VAV2: variants seen among roughly 807,000 people sequenced by gnomAD.
VAV2 encodes guanine nucleotide exchange factor VAV2.
VAV2 carries 67 observed loss-of-function variants against 132.5 expected under a neutral mutation model. The observed-to-expected ratio is 0.51, with a 90% CI of 0.42 to 0.62. The LOEUF is 0.62. Ranked by LOEUF, VAV2 falls within the 20% of genes least tolerant of loss-of-function variation. VAV2 has a pLI of 0.00. For synonymous variants in VAV2, 492 were observed against 443.5 expected (o/e 1.11, Z -1.37); for missense variants, 938 against 1,153.6 (o/e 0.81, Z 2.71).
At chr9:133,894,541 G>A (rs977914647) in intron 2 of VAV2, among the ~76,000 whole-genome samples, 2 of 152,212 alleles carry the variant, frequency 1.3e-5, no homozygotes, top group Non-Finnish European at 2.9e-5. Context: ...CAAGGCGGCT[G>A]TTGGGAAATT....
chr9:133,792,682 C>CCCCCCCCA (rs1554774404), intron 12 of VAV2, among the ~76,000 whole-genome samples: 5 of 76,072 alleles, frequency 6.6e-5, no homozygotes, highest in Non-Finnish European at 1.1e-4. Flanking sequence ...CAAGGGACCC[C>CCCCCCCCA]CCCCCCCACC....
At chr9:133,841,673 G>A (rs1371215986) in intron 3 of VAV2, among the ~76,000 whole-genome samples, 1 of 152,190 alleles carries the variant, frequency 6.6e-6, no homozygotes, top group Non-Finnish European at 1.5e-5. Context: ...CACTGGAGGG[G>A]AGACCTTGTG....
chr9:133,780,184 C>G (rs762115216), intron 20 of VAV2: 1 of 549,384 alleles, frequency 1.8e-6, no homozygotes, highest in African/African-American at 2.0e-5. Flanking sequence ...TTACCACGGG[C>G]CCCCACCTCC....
chr9:133,978,341 C>T lies in VAV2; in HGVS notation c.204+13734G>A, dbSNP rs538103446. Among the ~76,000 whole-genome samples the T allele has an allele frequency of 2.2e-4, 33 of 152,274 alleles. No individual in the cohort carries two copies. In the South Asian group the frequency reaches 6.6e-3, roughly 31 times the overall value. Reference sequence around the variant, plus strand: ...CAGCCAACACAGCATTTTTTAAAGTCCTTAACAACAGAAGACAGGCAGGCA... The same window carrying T: ...CAGCCAACACAGCATTTTTTAAAGTTCTTAACAACAGAAGACAGGCAGGCA... On this transcript the variant is annotated intron_variant, in intron 1 of 29. Transcript: ENST00000371850.
Position 133,863,597 on chromosome 9 carries a change from C to T in VAV2, c.322-2165G>A, listed in dbSNP as rs983801587. On this transcript the variant is annotated intron_variant, in intron 2 of 29. Coordinates refer to ENST00000371850, the MANE Select transcript of VAV2 (RefSeq NM_001134398.2). This position sits in a 1 kb window ranked among gnomAD's most constrained non-coding sequence, Gnocchi z 5.0. Reference sequence around the variant, plus strand: ...GCCCCAAGCTTGGGGCGCTTTGCCCCAGGATGAACGTGTCACGAGCAGCTG... The same window carrying T: ...GCCCCAAGCTTGGGGCGCTTTGCCCTAGGATGAACGTGTCACGAGCAGCTG... Among the ~76,000 whole-genome samples the T allele has an allele frequency of 1.3e-5, 2 of 152,144 alleles. No individual in the cohort carries two copies. Among genetic ancestry groups the T allele is most frequent in the East Asian group, 3.9e-4 (2 of 5,178 alleles).
At position 133,928,583 on chromosome 9, in the gene VAV2, C is replaced by A. The variant is rs1840564738; in HGVS notation, c.321+10520G>T. Reference sequence around the variant, plus strand: ...CTGGCAGAAAGGCCTCGGGTGAGCACAGAGTCTTCTGCACTCAGCAAATTA... The same window carrying A: ...CTGGCAGAAAGGCCTCGGGTGAGCAAAGAGTCTTCTGCACTCAGCAAATTA... On this transcript the variant is annotated intron_variant, in intron 2 of 29. Coordinates refer to ENST00000371850, the MANE Select transcript of VAV2 (RefSeq NM_001134398.2). This position sits in a 1 kb window ranked among gnomAD's most constrained non-coding sequence, Gnocchi z 5.4. 1.3e-5 allele frequency among the ~76,000 whole-genome samples: 2 copies of A among 152,300 alleles called. No individual in the cohort carries two copies. Among genetic ancestry groups the A allele is most frequent in the African/African-American group, 4.8e-5 (2 of 41,556 alleles).
At position 133,863,291 on chromosome 9, in the gene VAV2, C is replaced by A. The variant is rs956564640; in HGVS notation, c.322-1859G>T. On this transcript the variant is annotated intron_variant, in intron 2 of 29. Coordinates refer to ENST00000371850, the MANE Select transcript of VAV2 (RefSeq NM_001134398.2). This position sits in a 1 kb window ranked among gnomAD's most constrained non-coding sequence, Gnocchi z 5.0. The stretch of plus-strand genomic sequence containing the variant: ...GGCAGACGTGGCTGATCAATCCCTC[C>A]GAGGAGCCGGGCGCAGGCCCAGAGC... 2.0e-5 allele frequency among the ~76,000 whole-genome samples: 3 copies of A among 152,230 alleles called. No individual in the cohort carries two copies. The highest frequency in any genetic ancestry group is 7.2e-5 in the African/African-American group (3 of 41,450).
At chr9:133,765,755 T>A (rs1191465396) in intron 29 of VAV2, among the ~76,000 whole-genome samples, 1 of 152,160 alleles carries the variant, frequency 6.6e-6, no homozygotes, top group Non-Finnish European at 1.5e-5. Context: ...TCTTAGGAAA[T>A]ACTTAGGGGT....
At chr9:133,957,033 T>C (rs1424176271) in intron 1 of VAV2, among the ~76,000 whole-genome samples, 1 of 152,164 alleles carries the variant, frequency 6.6e-6, no homozygotes, top group Non-Finnish European at 1.5e-5. Flanking sequence ...GCTCCCCACC[T>C]GCCCGGGGTA....
chr9:133,784,474 C>A, intron 17 of VAV2, 56 bp from the exon 18 acceptor site: 2 of 1,591,712 alleles, frequency 1.3e-6, no homozygotes, highest in South Asian at 1.1e-5. Context: ...CGAGCCCCAC[C>A]ATGTGGCCAT....
In VAV2 at chr9:133,918,783, T is replaced by C. The variant is rs2132070041; in HGVS notation, c.321+20320A>G. ...TGTGTGTGTGTGTTTGTTTGTTTGT[T>C]TGTTTGTTTTGAGACAGAGTCTTGT... On this transcript the variant is annotated intron_variant, in intron 2 of 29. Coordinates refer to ENST00000371850, the MANE Select transcript of VAV2 (RefSeq NM_001134398.2). This position sits in a 1 kb window ranked among gnomAD's most constrained non-coding sequence, Gnocchi z 4.7. 1.3e-5 allele frequency among the ~76,000 whole-genome samples: 2 copies of C among 151,960 alleles called. 1 individual carries two copies.
In VAV2 at chr9:133,806,118, T is replaced by C. The variant is rs1165943219; in HGVS notation, c.799A>G (p.Ser267Gly). The C allele has an allele frequency of 6.2e-7, 1 of 1,613,100 alleles. No homozygotes were observed. Among genetic ancestry groups the C allele is most frequent in the South Asian group, 1.1e-5 (1 of 91,060 alleles). The change falls in exon 9 of 30, where the codon AGC (serine) becomes GGC (glycine). Residue 267 changes from serine (S) to glycine (G), a missense_variant. Coordinates refer to ENST00000371850, the MANE Select transcript of VAV2 (RefSeq NM_001134398.2). ...AIDVSVMVGGSTLAKVFLDFK... is the reference protein window; with the variant it reads ...AIDVSVMVGGGTLAKVFLDFK... ...TCGAGGAAGACCTTGGCCAGCGTGC[T>C]GCCCCCCACCATCACGGACACGTCG... is the stretch of plus-strand genomic sequence containing the variant.
chr9:133,763,926 C>G lies in VAV2; in HGVS notation c.*136G>C, dbSNP rs1833348407. ...GGTTCGAGTTTAGGATTCTCAACAC[C>G]CTCCCTATCCCTGTGGGCAGTGGAA... On this transcript the variant is annotated 3_prime_UTR_variant, in exon 30 of 30. Transcript: ENST00000371850. This position sits in a 1 kb window ranked among gnomAD's most constrained non-coding sequence, Gnocchi z 6.8. The G allele has an allele frequency of 2.8e-6, 3 of 1,055,612 alleles. No individual in the cohort carries two copies. Among genetic ancestry groups the G allele is most frequent in the Non-Finnish European group, 4.3e-6 (3 of 703,968 alleles). 65.4% of individuals were successfully genotyped at this position (1,055,612 alleles called of 1,614,324 possible). A position where few individuals can be genotyped will look rare whatever the true frequency, so the allele number is the denominator to read the frequency against.
At position 133,802,355 on chromosome 9, in the gene VAV2, C is replaced by CACACACAG. The variant is rs1834966353; in HGVS notation, c.836+3725_836+3726insCTGTGTGT. Among the ~76,000 whole-genome samples, 1 of 150,300 alleles carries CACACACAG rather than the reference C, an allele frequency of 6.7e-6. No homozygotes were observed. Among genetic ancestry groups the CACACACAG allele is most frequent in the Non-Finnish European group, 1.5e-5 (1 of 67,728 alleles). ...ACACACACACACACACACACACACA[C>CACACACAG]GACTTCATGCATTCCTGGTCTGGTT... On this transcript the variant is annotated intron_variant, in intron 9 of 29. Coordinates refer to ENST00000371850, the MANE Select transcript of VAV2 (RefSeq NM_001134398.2). This position sits in a 1 kb window ranked among gnomAD's most constrained non-coding sequence, Gnocchi z 5.8.
chr9:133,792,672 CA>C (rs3842226), intron 12 of VAV2, among the ~76,000 whole-genome samples: 75,757 of 142,036 alleles, frequency 0.53, 20,492 homozygotes, highest in South Asian at 0.59. Flanking sequence ...GCTCAGCCCC[CA>C]AGGGACCCCC....
intron 1 of VAV2, among the ~76,000 whole-genome samples, chr9:133,984,417 C>A (rs1842789313): frequency 6.6e-6 from 1 of 152,214 alleles, no homozygotes. Flanking sequence ...AGTTCAAGAC[C>A]AGCCTGGGCA....
At chr9:133,975,835 G>C (rs981451545) in intron 1 of VAV2, among the ~76,000 whole-genome samples, 5 of 152,104 alleles carry the variant, frequency 3.3e-5, no homozygotes, top group African/African-American at 1.2e-4. Context: ...TCAGGAGAGA[G>C]GGACCCAGGA....
At chr9:133,770,273 G>A (rs1373259621) in intron 27 of VAV2, 105 bp downstream of exon 27, 1 of 1,534,556 alleles carries the variant, frequency 6.5e-7, no homozygotes, top group African/African-American at 1.4e-5. Context: ...CCCCAGGGTG[G>A]GACTCCTGGT....
intron 1 of VAV2, among the ~76,000 whole-genome samples, chr9:133,945,536 C>T (rs1166252330): frequency 6.6e-6 from 1 of 152,240 alleles, no homozygotes; most frequent in African/African-American, 2.4e-5. Context: ...GAACCCAGGC[C>T]CGGTTCCTCT....
Sources: gnomAD v4.1 joint callset for allele counts (sites outside exome capture counted in the v4.1 genomes callset) on GRCh38, gnomAD v4.1.1 for gene constraint, Gnocchi (gnomAD v3.1) non-coding constraint, MANE v1.5 for transcripts, NCBI Gene and HGNC (gene_info 2026-07-23, HGNC 2026-07-21) for gene names.